The following ACTA2 variants were observed in gnomAD, a reference collection of about 807,000 sequenced individuals.
ACTA2 encodes actin alpha 2, smooth muscle, also known as actin, aortic smooth muscle.
ACTA2 carries 12 observed loss-of-function variants against 39.5 expected under a neutral mutation model. The observed-to-expected ratio is 0.30, with a 90% CI of 0.19 to 0.49. The LOEUF (loss-of-function observed/expected upper bound fraction) is 0.49, where lower values mean the gene tolerates loss of function less well. Ranked by LOEUF, ACTA2 falls within the 20% of genes least tolerant of loss-of-function variation. The probability of loss-of-function intolerance (pLI) is 0.99; values close to 1 mark genes in which losing one functional copy is unlikely to be tolerated. For synonymous variants in ACTA2, 158 were observed against 180.6 expected (o/e 0.88, Z 1.00); for missense variants, 236 against 498.8 (o/e 0.47, Z 5.02).
At chr10:88,977,531 T>C (rs1394671504) in intron 1 of ACTA2, among the ~76,000 whole-genome samples, 4 of 152,002 alleles carry the variant, frequency 2.6e-5, no homozygotes, top group Non-Finnish European at 4.4e-5. Context: ...GAATCTACAA[T>C]GAACTCAAAC....
intron 1 of ACTA2, among the ~76,000 whole-genome samples, chr10:88,952,468 T>A (rs1238417765): frequency 6.6e-6 from 1 of 152,242 alleles, no homozygotes; most frequent in African/African-American, 2.4e-5. Context: ...TTGTTTAGGA[T>A]GAACATTTTA....
chr10:88,957,820 T>G (rs1250966012), intron 1 of ACTA2, among the ~76,000 whole-genome samples: 1 of 151,992 alleles, frequency 6.6e-6, no homozygotes, highest in Non-Finnish European at 1.5e-5. Context: ...CAGGCTGGAG[T>G]GCAGTGGTGC....
At position 88,958,131 on chromosome 10, in the gene ACTA2, C is replaced by T. The variant is rs140629959; in HGVS notation, c.-23-9178G>A. On this transcript the variant is annotated intron_variant, in intron 1 of 4. Transcript: ENST00000415557. ...CATACTACTTTGTGTTTGCCTCTCT[C>T]GTAGCACTCACTATATTGTTCTATA... 3.7e-3 allele frequency among the ~76,000 whole-genome samples: 570 copies of T among 152,246 alleles called. 5 individuals carry two copies. The highest frequency in any genetic ancestry group is 0.013 in the African/African-American group (537 of 41,548).
At chr10:88,989,385 T>C (rs1239741796) in intron 1 of ACTA2, 1 of 405,710 alleles carries the variant, frequency 2.5e-6, no homozygotes, top group Non-Finnish European at 4.9e-6. Context: ...GGAATAGTTT[T>C]AGGATTTCAA....
In ACTA2 at chr10:88,951,589, G is replaced by A. The variant is rs182893544; in HGVS notation, c.-24+1142C>T. ...TCATTGAAGAAGTCACTGTGTCCCC[G>A]GAAAGAGTCAGCTCAGTGGTTTACA... is the stretch of plus-strand genomic sequence containing the variant. On this transcript the variant is annotated intron_variant, in intron 1 of 8. Transcript: ENST00000224784. Among the ~76,000 whole-genome samples the A allele has an allele frequency of 2.3e-3, 352 of 152,272 alleles. 2 individuals carry two copies. The highest frequency in any genetic ancestry group is 8.2e-3 in the African/African-American group (339 of 41,564).
At chr10:88,952,339 T>C (rs904649592) in intron 1 of ACTA2, among the ~76,000 whole-genome samples, 1 of 152,134 alleles carries the variant, frequency 6.6e-6, no homozygotes, top group Non-Finnish European at 1.5e-5. Context: ...AGAAAACCCC[T>C]ACAACAAATC....
rs71022549 is a variant in ACTA2, at chr10:88,983,609, C to CAA, written c.-24+7328_-24+7329dup. On this transcript the variant is annotated intron_variant, in intron 1 of 4. Transcript: ENST00000415557. ...GGTTTAGATAAGTTAACAGGTTATG[C>CAA]AAAAAAAAAAAAAAAAAAAAAAAAA... Among the ~76,000 whole-genome samples, 32 of 46,460 alleles carry CAA rather than the reference C, an allele frequency of 6.9e-4. 2 individuals are homozygous for CAA. The highest frequency in any genetic ancestry group is 0.022 in the Middle Eastern group (1 of 46). 30.5% of individuals were successfully genotyped at this position (46,460 alleles called of 152,430 possible).
rs754716869 is a variant in ACTA2 at position 88,947,287 on chromosome 10, T to C, written c.229A>G (p.Ile77Val). Reference sequence around the variant, plus strand: ...TCCATGTCGTCCCAGTTGGTGATGATGCCATGTTCTATCGGGTACTTCAGG... The same window carrying C: ...TCCATGTCGTCCCAGTTGGTGATGACGCCATGTTCTATCGGGTACTTCAGG... ...LTLKYPIEHG[I>V]ITNWDDMEKI... The change falls in exon 3 of 9, where the codon ATC becomes GTC. Residue 77 changes from isoleucine to valine, a missense_variant. Coordinates refer to ENST00000224784, the MANE Select transcript of ACTA2 (RefSeq NM_001613.4). 1 of 1,614,004 alleles carries C rather than the reference T, an allele frequency of 6.2e-7. No homozygotes were observed. The highest frequency in any genetic ancestry group is 8.5e-7 in the Non-Finnish European group (1 of 1,179,902).
At chr10:88,985,901 T>C (rs1339684230) in intron 1 of ACTA2, among the ~76,000 whole-genome samples, 2 of 152,228 alleles carry the variant, frequency 1.3e-5, no homozygotes, top group Non-Finnish European at 2.9e-5. Flanking sequence ...CCACTAGTAG[T>C]TTGGGAAACA....
At chr10:88,962,912 CATATATATATATATATATATATATAT>C (rs60878394) in intron 1 of ACTA2, among the ~76,000 whole-genome samples, 30 of 101,630 alleles carry the variant, frequency 3.0e-4, no homozygotes, top group Admixed American at 4.9e-4. Context: ...GGGAATGCCC[CATATATATATATATATATATATATAT>C]ATATATATAT....
upstream of ACTA2, chr10:88,952,814 T>A (rs1186399509): frequency 6.6e-6 from 1 of 152,444 alleles, no homozygotes; most frequent in African/African-American, 2.4e-5. Context: ...CCCCTTGGCC[T>A]GCTCTCCTCC....
chr10:88,972,755 T>C (rs1478119784), intron 1 of ACTA2, among the ~76,000 whole-genome samples: 2 of 152,220 alleles, frequency 1.3e-5, no homozygotes, highest in Non-Finnish European at 2.9e-5. Flanking sequence ...ATAAGCCTCA[T>C]ACAATGGTAT....
chr10:88,952,927 C>T (rs189288336), upstream of ACTA2, among the ~76,000 whole-genome samples: 132 of 152,394 alleles, frequency 8.7e-4, no homozygotes, highest in Admixed American at 3.0e-3. Flanking sequence ...TCTGGGTGGC[C>T]GGAGGCCTGG....
chr10:88,979,454 G>A (rs1846655770), intron 1 of ACTA2, among the ~76,000 whole-genome samples: 1 of 152,098 alleles, frequency 6.6e-6, no homozygotes, highest in African/African-American at 2.4e-5. Context: ...TAATTGTCAG[G>A]AACCCTTAAA....
chr10:88,976,905 A>G (rs1235222412), intron 1 of ACTA2, among the ~76,000 whole-genome samples: 2 of 152,218 alleles, frequency 1.3e-5, no homozygotes, highest in Non-Finnish European at 2.9e-5. Flanking sequence ...ATGTTTGTAG[A>G]GAAGTTGCAT....
At chr10:88,980,349 T>C (rs1846680946) in intron 1 of ACTA2, among the ~76,000 whole-genome samples, 1 of 152,104 alleles carries the variant, frequency 6.6e-6, no homozygotes, top group African/African-American at 2.4e-5. Flanking sequence ...GAGAGCACAT[T>C]AGCAAGCATC....
At chr10:88,975,290 G>A (rs1846535838) in intron 1 of ACTA2, 1 of 152,220 alleles carries the variant, frequency 6.6e-6, no homozygotes, top group African/African-American at 2.4e-5. Flanking sequence ...AGATAAATCA[G>A]AGGCGGAAGA....
At chr10:88,953,893 A>C (rs1408456581), upstream of ACTA2, among the ~76,000 whole-genome samples, 1 of 152,140 alleles carries the variant, frequency 6.6e-6, no homozygotes, top group Non-Finnish European at 1.5e-5. Context: ...AGGCCTCCCC[A>C]GCCATGCAGA....
intron 8 of ACTA2, 126 bp downstream of exon 8, chr10:88,937,935 C>T (rs1225991827): frequency 1.1e-5 from 11 of 1,025,154 alleles, no homozygotes; most frequent in Non-Finnish European, 1.6e-5. Context: ...AGATTTGTGT[C>T]CATTACCTAC....
Sources: gnomAD v4.1 joint callset for allele counts (sites outside exome capture counted in the v4.1 genomes callset) on GRCh38, gnomAD v4.1.1 for gene constraint, MANE v1.5 for transcripts, NCBI Gene and HGNC (gene_info 2026-07-23, HGNC 2026-07-21) for gene names.